Variants in CRYBG1 observed in about 807,000 individuals in gnomAD.
CRYBG1 encodes the protein crystallin beta-gamma domain containing 1.
Under a neutral mutation model 189.2 loss-of-function variants are expected in CRYBG1, and 139 were observed. That is an observed-to-expected ratio of 0.73 (90% CI 0.64 to 0.85). The LOEUF is 0.85. Ranked by LOEUF, CRYBG1 falls within the 40% of genes least tolerant of loss-of-function variation. The pLI, the probability that CRYBG1 is intolerant of heterozygous loss-of-function variation, is 0.00. For missense variants in CRYBG1, 2,611 were observed against 2,675.8 expected, an observed-to-expected ratio of 0.98 and a Z score of 0.53; for synonymous variants, 1,023 against 1,017.1, an observed-to-expected ratio of 1.01 and a Z score of -0.11.
intron 2 of CRYBG1, among the ~76,000 whole-genome samples, chr6:106,511,160 A>G (rs1773249960): frequency 6.6e-6 from 1 of 152,178 alleles, no homozygotes; most frequent in Non-Finnish European, 1.5e-5. Flanking sequence ...GATTATTTGG[A>G]CCGTTCAAAT....
intron 2 of CRYBG1, among the ~76,000 whole-genome samples, chr6:106,498,337 G>T: frequency 6.6e-6 from 1 of 151,988 alleles, no homozygotes. Context: ...GCTGCCACCC[G>T]TTAAGTCTCC....
At chr6:106,388,634 C>T (rs1272228911) in intron 1 of CRYBG1, among the ~76,000 whole-genome samples, 2 of 152,190 alleles carry the variant, frequency 1.3e-5, no homozygotes, top group Admixed American at 6.5e-5. Flanking sequence ...TCTGGCATCA[C>T]TCCTCATTGT....
At chr6:106,504,610 T>G (rs1476517239) in intron 2 of CRYBG1, among the ~76,000 whole-genome samples, 1 of 152,222 alleles carries the variant, frequency 6.6e-6, no homozygotes, top group Non-Finnish European at 1.5e-5. Context: ...AGTTCATTTA[T>G]GTGAACATTT....
In CRYBG1 at chr6:106,525,278, A is replaced by G; in HGVS notation, c.4304A>G (p.Tyr1435Cys). The G allele has an allele frequency of 6.2e-7, 1 of 1,614,116 alleles. No homozygotes were observed. The highest frequency in any genetic ancestry group is 8.5e-7 in the Non-Finnish European group (1 of 1,179,990). ...TTCGTTTTCTTGCAGGTAGTGATAT[A>G]TAGTGAACCCGACGTCTCTGAGAAG... The part of the protein sequence containing the change: ...LNPRPGKVVI[Y>C]SEPDVSEKCI... The change falls in exon 6 of 22, where the codon TAT becomes TGT. Residue 1435 changes from tyrosine to cysteine, a missense_variant. Physicochemically the swap from Tyr to Cys is radical, Grantham distance 194. Coordinates refer to ENST00000633556, the MANE Select transcript of CRYBG1 (RefSeq NM_001371242.2).
chr6:106,445,247 T>G (rs1771644797), intron 1 of CRYBG1, among the ~76,000 whole-genome samples: 1 of 152,238 alleles, frequency 6.6e-6, no homozygotes, highest in Admixed American at 6.5e-5. Context: ...TTATTTTCAT[T>G]TCCCCATCCA....
At chr6:106,497,317 A>G (rs772816970) in intron 2 of CRYBG1, among the ~76,000 whole-genome samples, 3 of 152,218 alleles carry the variant, frequency 2.0e-5, no homozygotes, top group Non-Finnish European at 4.4e-5. Flanking sequence ...GGATAATTTT[A>G]TAGAATATAT....
chr6:106,490,045 T>C (rs1222540946), intron 2 of CRYBG1, among the ~76,000 whole-genome samples: 1 of 152,204 alleles, frequency 6.6e-6, no homozygotes, highest in Non-Finnish European at 1.5e-5. Context: ...GACTCATGAC[T>C]CCAGCAGGGC....
chr6:106,464,403 G>T (rs961543165), intron 2 of CRYBG1, among the ~76,000 whole-genome samples: 6 of 151,054 alleles, frequency 4.0e-5, no homozygotes, highest in African/African-American at 1.5e-4. Flanking sequence ...TGAGGCAGGA[G>T]AATTGCTTGA....
chr6:106,371,829 AG>A (rs1770043026), intron 1 of CRYBG1, among the ~76,000 whole-genome samples: 2 of 152,214 alleles, frequency 1.3e-5, no homozygotes, highest in African/African-American at 4.8e-5. Flanking sequence ...ACCCTGTAAA[AG>A]GTTTCAAGTA....
chr6:106,375,129 T>C (rs1770127238), intron 1 of CRYBG1, among the ~76,000 whole-genome samples: 1 of 152,114 alleles, frequency 6.6e-6, no homozygotes, highest in South Asian at 2.1e-4. Flanking sequence ...ATGCCTATAA[T>C]CGCAACACCT....
intron 2 of CRYBG1, among the ~76,000 whole-genome samples, chr6:106,469,027 C>G (rs1772169960): frequency 1.3e-5 from 2 of 152,250 alleles, no homozygotes; most frequent in South Asian, 2.1e-4. Context: ...TTCCATTTCT[C>G]TGTGGTTTTA....
At chr6:106,430,053 T>C (rs946400520) in intron 1 of CRYBG1, among the ~76,000 whole-genome samples, 4 of 152,198 alleles carry the variant, frequency 2.6e-5, no homozygotes, top group Non-Finnish European at 5.9e-5. Flanking sequence ...AGATTTCAGG[T>C]TTCTCCTAAT....
At chr6:106,459,852 G>A (rs183960745) in intron 2 of CRYBG1, among the ~76,000 whole-genome samples, 19 of 152,232 alleles carry the variant, frequency 1.2e-4, no homozygotes, top group South Asian at 4.1e-4. Context: ...CAAATTGTCC[G>A]TTGAAAAAGG....
intron 7 of CRYBG1, among the ~76,000 whole-genome samples, chr6:106,529,446 T>C (rs1383183270): frequency 1.3e-5 from 2 of 152,216 alleles, no homozygotes; most frequent in East Asian, 3.8e-4. Flanking sequence ...ATTAGAGTTG[T>C]TCCTTTTGAT....
intron 1 of CRYBG1, among the ~76,000 whole-genome samples, chr6:106,364,082 T>C (rs1015093619): frequency 6.6e-6 from 1 of 152,122 alleles, no homozygotes; most frequent in Admixed American, 6.6e-5. Flanking sequence ...CCCAGTACTT[T>C]GGGAGGCCAA....
intron 2 of CRYBG1, among the ~76,000 whole-genome samples, chr6:106,473,509 A>G (rs1175142480): frequency 6.6e-6 from 1 of 152,238 alleles, no homozygotes; most frequent in Non-Finnish European, 1.5e-5. Context: ...GGGCCTAGAA[A>G]CAGTGATACT....
intron 1 of CRYBG1, among the ~76,000 whole-genome samples, chr6:106,444,648 G>T (rs1318534275): frequency 6.6e-6 from 1 of 152,138 alleles, no homozygotes; most frequent in Non-Finnish European, 1.5e-5. Context: ...CATACTAGTG[G>T]TCCTGAGATA....
intron 1 of CRYBG1, among the ~76,000 whole-genome samples, chr6:106,374,004 G>A (rs970422483): frequency 1.6e-4 from 24 of 152,320 alleles, no homozygotes; most frequent in African/African-American, 5.8e-4. Flanking sequence ...GGTTTTCAGT[G>A]ACTGTGTTTG....
At chr6:106,432,937 T>A (rs2114406798) in intron 1 of CRYBG1, among the ~76,000 whole-genome samples, 1 of 150,804 alleles carries the variant, frequency 6.6e-6, no homozygotes, top group Middle Eastern at 3.4e-3. Context: ...TCTCCTGGGT[T>A]CAGGCGATTC....
Sources: allele counts gnomAD v4.1 joint callset (sites outside exome capture counted in the v4.1 genomes callset), GRCh38; gene constraint gnomAD v4.1.1; transcripts MANE v1.5; gene names NCBI Gene and HGNC (gene_info 2026-07-23, HGNC 2026-07-21).